Variants in ANK3 observed in about 807,000 individuals in gnomAD.
The protein encoded by ANK3 is ankyrin-3.
ANK3 carries 57 observed loss-of-function variants against 370.9 expected under a neutral mutation model. The ratio of observed to expected loss-of-function variants is 0.15; its 90% CI spans 0.12 to 0.19. The LOEUF is 0.19. Ranked by LOEUF, ANK3 falls within the 10% of genes least tolerant of loss-of-function variation. The pLI is 1.00. For synonymous variants in ANK3, 1,929 were observed against 1,946.3 expected (o/e 0.99, Z 0.23); for missense variants, 4,439 against 5,302.1 (o/e 0.84, Z 5.06).
chr10:60,290,208 G>A (rs1030801319), intron 1 of ANK3, among the ~76,000 whole-genome samples: 6 of 152,100 alleles, frequency 3.9e-5, no homozygotes, highest in Non-Finnish European at 7.4e-5. Context: ...TAAAAACCTT[G>A]GATCTTTAAG....
chr10:60,615,272 T>C, intron 1 of ANK3: 1 of 1,368,942 alleles, frequency 7.3e-7, no homozygotes, highest in Non-Finnish European at 9.8e-7. Context: ...AAGAATTCCA[T>C]ATATTTACCA....
At chr10:60,299,978 C>T (rs2043326305) in intron 1 of ANK3, among the ~76,000 whole-genome samples, 1 of 152,142 alleles carries the variant, frequency 6.6e-6, no homozygotes, top group Non-Finnish European at 1.5e-5. Context: ...AAAAGTGCAA[C>T]CATATAAACC....
At chr10:60,079,570 C>A (rs2084688636) in intron 36 of ANK3, among the ~76,000 whole-genome samples, 2 of 152,098 alleles carry the variant, frequency 1.3e-5, no homozygotes, top group Non-Finnish European at 1.5e-5. Context: ...AATTTCCAGA[C>A]CTCCTTGAAC....
intron 1 of ANK3, among the ~76,000 whole-genome samples, chr10:60,696,296 G>C (rs933473047): frequency 6.7e-6 from 1 of 149,500 alleles, no homozygotes; most frequent in Non-Finnish European, 1.5e-5. Context: ...GGACCAGATG[G>C]ATTCACAGCC....
intron 17 of ANK3, among the ~76,000 whole-genome samples, chr10:60,183,248 T>C (rs936207841): frequency 6.6e-6 from 1 of 152,214 alleles, no homozygotes; most frequent in Non-Finnish European, 1.5e-5. Context: ...ATCCTGCATT[T>C]AAACTCTGTT....
chr10:60,599,069 C>T (rs1431043122), intron 2 of ANK3, among the ~76,000 whole-genome samples: 1 of 152,136 alleles, frequency 6.6e-6, no homozygotes, highest in Non-Finnish European at 1.5e-5. Flanking sequence ...GCTGGGACTA[C>T]TGGCACACAC....
At chr10:60,663,669 A>T (rs2078963622) in intron 1 of ANK3, among the ~76,000 whole-genome samples, 1 of 152,228 alleles carries the variant, frequency 6.6e-6, no homozygotes, top group Non-Finnish European at 1.5e-5. Context: ...TAAAATACTC[A>T]AATGAGAACT....
intron 2 of ANK3, among the ~76,000 whole-genome samples, chr10:60,415,526 A>G (rs1402776411): frequency 6.6e-6 from 1 of 152,164 alleles, no homozygotes; most frequent in Non-Finnish European, 1.5e-5. Flanking sequence ...GTGCAGCAGG[A>G]AAGTGGGCAC....
intron 8 of ANK3, among the ~76,000 whole-genome samples, chr10:60,230,429 G>A (rs1194002427): frequency 6.6e-6 from 1 of 152,168 alleles, no homozygotes; most frequent in Non-Finnish European, 1.5e-5. Context: ...TGACAAATAT[G>A]CCTTGATAGG....
rs539786549 is a variant in ANK3 at position 60,147,010 on chromosome 10, G to A, written c.2615-7923C>T. Among the ~76,000 whole-genome samples, 270 of 152,316 alleles carry A rather than the reference G, an allele frequency of 1.8e-3. 1 individual carries two copies. Among genetic ancestry groups the A allele is most frequent in the Non-Finnish European group, 3.0e-3 (206 of 68,014 alleles). Reference sequence around the variant, plus strand: ...GAGTTACAGAATAGTTGATGGGAACGTTAGTTAGATGCCAGATCTGCATGT... The same window carrying A: ...GAGTTACAGAATAGTTGATGGGAACATTAGTTAGATGCCAGATCTGCATGT... On this transcript the variant is annotated intron_variant, in intron 23 of 43. Transcript: ENST00000280772.
intron 1 of ANK3, among the ~76,000 whole-genome samples, chr10:60,621,451 C>A (rs752053047): frequency 7.9e-5 from 12 of 152,158 alleles, no homozygotes; most frequent in Admixed American, 5.2e-4. Flanking sequence ...AATAAATGAA[C>A]TGAGATGATT....
intron 1 of ANK3, among the ~76,000 whole-genome samples, chr10:60,659,746 G>GAA: frequency 6.6e-6 from 1 of 151,788 alleles, no homozygotes; most frequent in African/African-American, 2.4e-5. Flanking sequence ...AATCTGTGGG[G>GAA]AAAAAAAATG....
At chr10:60,248,153 C>A (rs1202811775) in intron 7 of ANK3, among the ~76,000 whole-genome samples, 4 of 152,142 alleles carry the variant, frequency 2.6e-5, no homozygotes, top group Non-Finnish European at 5.9e-5. Context: ...TGTACAAATA[C>A]CTCTTGAGAA....
intron 1 of ANK3, among the ~76,000 whole-genome samples, chr10:60,319,605 A>G (rs957646791): frequency 2.6e-5 from 4 of 152,196 alleles, no homozygotes; most frequent in African/African-American, 9.7e-5. Context: ...TTCAACAAGT[A>G]CCTAATGATC....
intron 4 of ANK3, among the ~76,000 whole-genome samples, chr10:60,273,589 T>A (rs1319372044): frequency 6.6e-6 from 1 of 152,196 alleles, no homozygotes; most frequent in African/African-American, 2.4e-5. Context: ...TCATATGATA[T>A]CTGTCCTTGA....
intron 1 of ANK3, among the ~76,000 whole-genome samples, chr10:60,652,693 T>TG (rs1554801604): frequency 1.5e-5 from 2 of 135,634 alleles, no homozygotes; most frequent in Non-Finnish European, 3.1e-5. Context: ...AGGCAAAATG[T>TG]AAAAAAAAAA....
chr10:60,567,442 G>A (rs1175284162), intron 2 of ANK3, among the ~76,000 whole-genome samples: 1 of 152,084 alleles, frequency 6.6e-6, no homozygotes, highest in African/African-American at 2.4e-5. Context: ...TAAGCCTACT[G>A]TTGAGACCTG....
intron 1 of ANK3, among the ~76,000 whole-genome samples, chr10:60,683,997 T>C (rs1589022770): frequency 6.6e-6 from 1 of 152,346 alleles, no homozygotes; most frequent in South Asian, 2.1e-4. Flanking sequence ...CTAAGAATAC[T>C]TTTAAGCTAT....
At chr10:60,380,752 G>C (rs1482216208) in intron 1 of ANK3, among the ~76,000 whole-genome samples, 1 of 152,116 alleles carries the variant, frequency 6.6e-6, no homozygotes, top group Non-Finnish European at 1.5e-5. Context: ...AATGTCTAAG[G>C]AAAGATGTCC....
Sources: allele counts gnomAD v4.1 joint callset (sites outside exome capture counted in the v4.1 genomes callset), GRCh38; gene constraint gnomAD v4.1.1; transcripts MANE v1.5; gene names NCBI Gene and HGNC (gene_info 2026-07-23, HGNC 2026-07-21).